The following CRY2 variants were observed in gnomAD, a reference collection of about 807,000 sequenced individuals.
CRY2 encodes cryptochrome-2.
A neutral mutation model predicts 69.5 loss-of-function variants in CRY2; 31 were observed. The observed-to-expected ratio is 0.45, with a 90% confidence interval of 0.34 to 0.60. The LOEUF (loss-of-function observed/expected upper bound fraction) is 0.60. CRY2 is among the 20% of genes least tolerant of loss of function. The probability of loss-of-function intolerance (pLI) is 0.02; values close to 1 mark genes in which losing one functional copy is unlikely to be tolerated. For missense variants in CRY2, 606 were observed against 797.8 expected, an observed-to-expected ratio of 0.76 and a Z score of 2.90; for synonymous variants, 303 against 312.2, an observed-to-expected ratio of 0.97 and a Z score of 0.31.
chr11:45,848,576 C>G (rs768198150), intron 1 of CRY2, among the ~76,000 whole-genome samples: 3 of 152,006 alleles, frequency 2.0e-5, no homozygotes, highest in African/African-American at 7.2e-5. Context: ...GAGATGGAGT[C>G]GACATGATCA....
chr11:45,868,252 A>C (rs998086763), intron 6 of CRY2, among the ~76,000 whole-genome samples: 1 of 152,246 alleles, frequency 6.6e-6, no homozygotes, highest in African/African-American at 2.4e-5. Flanking sequence ...ACAGACAAGA[A>C]GCAAATAAGC....
intron 11 of CRY2, among the ~76,000 whole-genome samples, chr11:45,880,539 T>C (rs1000243155): frequency 6.6e-6 from 1 of 152,158 alleles, no homozygotes; most frequent in Non-Finnish European, 1.5e-5. Context: ...TTCCTGATTC[T>C]CCATCTCTGG....
rs745847440 is a variant in CRY2, at chr11:45,872,283, G to C, written c.*2+50G>C. On this transcript the variant is annotated intron_variant, in intron 11 of 11. Transcript: ENST00000616080. ...ACCTCAGGAAGGAAGTTGGGAGTGGGGGGGCCTACTGCCCTGCCAGCTGCA... is the reference window on the plus strand; with the variant it reads ...ACCTCAGGAAGGAAGTTGGGAGTGGCGGGGCCTACTGCCCTGCCAGCTGCA... 2.6e-6 allele frequency: 4 copies of C among 1,560,222 alleles called. No individual in the cohort carries two copies. In the African/African-American group the frequency reaches 4.1e-5, roughly 16 times the overall value.
chr11:45,859,990 C>T (rs2086274187), intron 3 of CRY2, among the ~76,000 whole-genome samples: 1 of 152,174 alleles, frequency 6.6e-6, no homozygotes, highest in African/African-American at 2.4e-5. Context: ...CCATATATCT[C>T]CACTAACGTG....
upstream of CRY2, chr11:45,847,342 C>G: frequency 6.3e-7 from 1 of 1,594,902 alleles, no homozygotes; most frequent in Non-Finnish European, 8.5e-7. Flanking sequence ...AGGTGGAAGG[C>G]ACTCAGCCAA....
intron 9 of CRY2, 40 bp from the exon 10 acceptor site, chr11:45,870,802 T>C (rs765058657): frequency 1.3e-6 from 2 of 1,553,454 alleles, no homozygotes; most frequent in South Asian, 1.1e-5. Flanking sequence ...TCTGCAATCC[T>C]GCGAGACGGC....
At chr11:45,868,124 C>CATA (rs2086346205) in intron 6 of CRY2, among the ~76,000 whole-genome samples, 1 of 152,182 alleles carries the variant, frequency 6.6e-6, no homozygotes. Flanking sequence ...AGTGGAAGAG[C>CATA]ATAGCTGCCC....
chr11:45,879,515 C>CT (rs1301865303), intron 11 of CRY2, among the ~76,000 whole-genome samples: 1 of 152,232 alleles, frequency 6.6e-6, no homozygotes, highest in African/African-American at 2.4e-5. Flanking sequence ...GTCTTCTTCT[C>CT]TAAAAGTCTT....
In CRY2 at chr11:45,869,584, A is replaced by T; in HGVS notation, c.961A>T (p.Asn321Tyr). The T allele has an allele frequency of 1.2e-6, 2 of 1,614,232 alleles. No homozygotes were observed. Among genetic ancestry groups the T allele is most frequent in the Non-Finnish European group, 1.7e-6 (2 of 1,180,046 alleles). The change falls in exon 7 of 12, where the codon AAC (asparagine) becomes TAC (tyrosine). Residue 321 changes from asparagine (N) to tyrosine (Y), a missense_variant. Transcript: ENST00000616080. ...AGAGTTCTTCTACACGGCAGCTACC[A>T]ACAACCCCAGGTTTGACCGCATGGA... The part of the protein sequence containing the change: ...WREFFYTAAT[N>Y]NPRFDRMEGN...
chr11:45,861,986 A>G (rs567044117), intron 4 of CRY2, 74 bp from the exon 5 acceptor site: 5 of 1,285,056 alleles, frequency 3.9e-6, no homozygotes, highest in Non-Finnish European at 5.5e-6. Context: ...TAAAGTTCAA[A>G]TAACAGAACA....
At chr11:45,851,823 C>A (rs2086201061) in intron 1 of CRY2, among the ~76,000 whole-genome samples, 1 of 152,168 alleles carries the variant, frequency 6.6e-6, no homozygotes, top group Admixed American at 6.5e-5. Flanking sequence ...CTGTGCCAGC[C>A]AGTGGTATCA....
At chr11:45,880,620 G>A (rs1259949926) in intron 11 of CRY2, among the ~76,000 whole-genome samples, 5 of 152,114 alleles carry the variant, frequency 3.3e-5, no homozygotes, top group Non-Finnish European at 5.9e-5. Flanking sequence ...AGGGCTTCAC[G>A]TGACTCTCAC....
At chr11:45,860,386 TAAAAAAAA>T (rs34068985) in intron 3 of CRY2, among the ~76,000 whole-genome samples, 1 of 130,470 alleles carries the variant, frequency 7.7e-6, no homozygotes, top group Admixed American at 7.7e-5. Flanking sequence ...ATGTTAGAGT[TAAAAAAAA>T]AAAAAAAAAA....
At chr11:45,859,804 A>G (rs1027096400) in intron 3 of CRY2, among the ~76,000 whole-genome samples, 14 of 152,008 alleles carry the variant, frequency 9.2e-5, no homozygotes, top group Non-Finnish European at 1.8e-4. Flanking sequence ...GCTGCTGCCA[A>G]GCCAGCAGCC....
chr11:45,855,974 C>T lies in CRY2; in HGVS notation c.216-8C>T, dbSNP rs1382966745. 1 of 1,609,530 alleles carries T rather than the reference C, an allele frequency of 6.2e-7. No homozygotes were observed. Among genetic ancestry groups the T allele is most frequent in the South Asian group, 1.1e-5 (1 of 90,996 alleles). ...TTATCACTAACAAGGCCTGTGTGGA[C>T]TCCACAGGTTCCTACTTCAGTCTCT... On this transcript the variant is annotated splice_polypyrimidine_tract_variant and splice_region_variant and intron_variant, in intron 1 of 11. Coordinates refer to ENST00000616080, the MANE Select transcript of CRY2 (RefSeq NM_021117.5).
chr11:45,876,415 A>T (rs2086425092), intron 11 of CRY2, among the ~76,000 whole-genome samples: 1 of 152,204 alleles, frequency 6.6e-6, no homozygotes. Context: ...TACAGCATTC[A>T]CTAAACTGAA....
At position 45,859,127 on chromosome 11, in the gene CRY2, A is replaced by G. The variant is rs533987255; in HGVS notation, c.467+254A>G. ...AGCAGTGAGGACCCACACTCAGGGT[A>G]TTTACAAATCTGCTCCTAGTATGCC... On this transcript the variant is annotated intron_variant, in intron 3 of 11. Transcript: ENST00000616080. 5.3e-5 allele frequency among the ~76,000 whole-genome samples: 8 copies of G among 152,202 alleles called. No individual in the cohort carries two copies. In the East Asian group the frequency reaches 1.5e-3, roughly 29 times the overall value.
At chr11:45,879,488 T>C (rs188529552) in intron 11 of CRY2, among the ~76,000 whole-genome samples, 1 of 152,380 alleles carries the variant, frequency 6.6e-6, no homozygotes, top group African/African-American at 2.4e-5. Context: ...TGCTGCCATG[T>C]TGAATTTCTT....
At chr11:45,847,247 CGCATG>C, upstream of CRY2, 1 of 1,551,362 alleles carries the variant, frequency 6.4e-7, no homozygotes, top group Non-Finnish European at 8.7e-7. Context: ...GTCACTTGTC[CGCATG>C]CCAGCTCCAC....
Sources: gnomAD v4.1 joint callset for allele counts (sites outside exome capture counted in the v4.1 genomes callset) on GRCh38, gnomAD v4.1.1 for gene constraint, MANE v1.5 for transcripts, NCBI Gene and HGNC (gene_info 2026-07-23, HGNC 2026-07-21) for gene names.